The following NEK11 variants were observed in gnomAD, a reference collection of about 807,000 sequenced individuals.
NEK11 encodes NIMA related kinase 11.
In NEK11, 72 loss-of-function variants were observed where a neutral mutation model predicts 80.7. That is an observed-to-expected ratio of 0.89 (90% CI 0.74 to 1.08). The LOEUF is 1.08. Among genes scored for constraint, NEK11 ranks in the 50% least tolerant of loss-of-function variants. The probability of loss-of-function intolerance (pLI) is 0.00; values close to 1 mark genes in which losing one functional copy is unlikely to be tolerated. For synonymous variants in NEK11, 251 were observed against 260.7 expected, an observed-to-expected ratio of 0.96 and a Z score of 0.36; for missense variants, 764 against 763.6, an observed-to-expected ratio of 1.00 and a Z score of -0.01.
At chr3:131,234,987 A>C (rs748267124) in intron 15 of NEK11, among the ~76,000 whole-genome samples, 4 of 152,150 alleles carry the variant, frequency 2.6e-5, no homozygotes, top group Admixed American at 6.6e-5. Context: ...AGCATGGAGA[A>C]AAAGGAGAAA....
At chr3:131,142,413 A>G (rs1162579021) in intron 7 of NEK11, among the ~76,000 whole-genome samples, 1 of 151,020 alleles carries the variant, frequency 6.6e-6, no homozygotes, top group Non-Finnish European at 1.5e-5. Flanking sequence ...ACATTCTACT[A>G]CTTTTGATGT....
chr3:131,202,909 C>T (rs1432681580), intron 14 of NEK11, among the ~76,000 whole-genome samples: 1 of 152,138 alleles, frequency 6.6e-6, no homozygotes, highest in East Asian at 1.9e-4. Context: ...GAATGGCAAT[C>T]ATTAAAAAGT....
chr3:131,083,849 A>G (rs2075634108), intron 4 of NEK11, among the ~76,000 whole-genome samples: 1 of 152,208 alleles, frequency 6.6e-6, no homozygotes, highest in African/African-American at 2.4e-5. Context: ...ATAGTTCCAA[A>G]ACTACCAGAA....
intron 16 of NEK11, among the ~76,000 whole-genome samples, chr3:131,260,997 G>A (rs1254131148): frequency 1.3e-5 from 2 of 152,076 alleles, no homozygotes; most frequent in Non-Finnish European, 2.9e-5. Context: ...TAGCAGGGAG[G>A]GCAAACACAG....
intron 4 of NEK11, among the ~76,000 whole-genome samples, chr3:131,100,972 T>A (rs2078281942): frequency 6.6e-6 from 1 of 152,168 alleles, no homozygotes; most frequent in Admixed American, 6.6e-5. Flanking sequence ...CTTGGGAGAT[T>A]GTGTGTTTCC....
chr3:131,180,757 A>T (rs1342683987), intron 14 of NEK11, among the ~76,000 whole-genome samples: 2 of 152,344 alleles, frequency 1.3e-5, no homozygotes, highest in Non-Finnish European at 2.9e-5. Flanking sequence ...CCATGAAATT[A>T]TGATATGCCG....
chr3:131,330,497 A>C (rs2097058539), intron 17 of NEK11: 3 of 152,208 alleles, frequency 2.0e-5, no homozygotes, highest in Admixed American at 2.0e-4. Flanking sequence ...AAGTCTAGGG[A>C]TCAGGGAGAT....
intron 14 of NEK11, among the ~76,000 whole-genome samples, chr3:131,197,580 G>T (rs944472017): frequency 1.3e-5 from 2 of 152,090 alleles, no homozygotes; most frequent in Non-Finnish European, 2.9e-5. Context: ...AAAAGGCCTG[G>T]CCCAGTAAAT....
At chr3:131,233,870 T>A (rs758577419) in intron 15 of NEK11, among the ~76,000 whole-genome samples, 1 of 152,254 alleles carries the variant, frequency 6.6e-6, no homozygotes, top group Non-Finnish European at 1.5e-5. Context: ...TGAAAGATAC[T>A]GTTTGTGACA....
intron 17 of NEK11, among the ~76,000 whole-genome samples, chr3:131,336,698 A>G (rs1471762748): frequency 6.6e-6 from 1 of 152,258 alleles, no homozygotes; most frequent in Non-Finnish European, 1.5e-5. Flanking sequence ...AAAATAGGAG[A>G]AAATTTTCGC....
intron 17 of NEK11, among the ~76,000 whole-genome samples, chr3:131,348,332 C>A (rs1013037746): frequency 6.6e-6 from 1 of 151,912 alleles, no homozygotes; most frequent in African/African-American, 2.4e-5. Flanking sequence ...TTCAGTGGAA[C>A]AATATGGAGC....
chr3:131,342,104 A>G (rs948899927), intron 17 of NEK11, among the ~76,000 whole-genome samples: 3 of 152,224 alleles, frequency 2.0e-5, no homozygotes, highest in Admixed American at 2.0e-4. Flanking sequence ...CCATTGACAG[A>G]AAGAGGCCTT....
At position 131,207,858 on chromosome 3, in the gene NEK11, T is replaced by G. The variant is rs182339107; in HGVS notation, c.1400-20670T>G. 7.9e-3 allele frequency among the ~76,000 whole-genome samples: 1,202 copies of G among 152,238 alleles called. 4 individuals are homozygous for G. The highest frequency in any genetic ancestry group is 0.011 in the Non-Finnish European group (734 of 68,012). On this transcript the variant is annotated intron_variant, in intron 14 of 17. Coordinates refer to ENST00000383366, the MANE Select transcript of NEK11 (RefSeq NM_024800.5). ...TTGTTTAAGTTCTTTGTAGATTCTGTATATTAGCCCTTTGTCAGATGGGTA... is the reference window on the plus strand; with the variant it reads ...TTGTTTAAGTTCTTTGTAGATTCTGGATATTAGCCCTTTGTCAGATGGGTA...
At chr3:131,179,782 A>G (rs2093246278) in intron 14 of NEK11, among the ~76,000 whole-genome samples, 1 of 152,182 alleles carries the variant, frequency 6.6e-6, no homozygotes, top group African/African-American at 2.4e-5. Flanking sequence ...ATGCATCTTA[A>G]AATAGACGGC....
chr3:131,253,369 AG>A lies in NEK11; in HGVS notation c.1621+9875del, dbSNP rs138043630. 2.4e-3 allele frequency among the ~76,000 whole-genome samples: 365 copies of A among 152,266 alleles called. 2 individuals are homozygous for A. Among genetic ancestry groups the A allele is most frequent in the African/African-American group, 8.3e-3 (346 of 41,552 alleles). ...CATGAACAGGATATTAAGTGATTCT[AG>A]GCAGAATTAGGAGAAAGAAAGAGGG... On this transcript the variant is annotated intron_variant, in intron 16 of 17. Transcript: ENST00000383366.
At chr3:131,333,526 A>T (rs1412890661) in intron 17 of NEK11, among the ~76,000 whole-genome samples, 2 of 152,216 alleles carry the variant, frequency 1.3e-5, no homozygotes, top group African/African-American at 4.8e-5. Context: ...CCAAAATGTA[A>T]AGACCATCGA....
intron 16 of NEK11, among the ~76,000 whole-genome samples, chr3:131,249,277 AG>A (rs1296947461): frequency 1.3e-5 from 2 of 152,124 alleles, no homozygotes; most frequent in African/African-American, 4.8e-5. Flanking sequence ...AAAGAAGGGA[AG>A]GTAAGGTGTA....
chr3:131,168,656 G>A (rs1251356417), intron 12 of NEK11, among the ~76,000 whole-genome samples, 174 bp from the exon 13 acceptor site: 1 of 152,120 alleles, frequency 6.6e-6, no homozygotes, highest in Non-Finnish European at 1.5e-5. Context: ...GCGCCCGGCC[G>A]ACGTTGCATT....
At chr3:131,307,718 G>C (rs980242353) in intron 17 of NEK11, among the ~76,000 whole-genome samples, 3 of 152,188 alleles carry the variant, frequency 2.0e-5, no homozygotes, top group Admixed American at 2.0e-4. Context: ...TGTGCTGCCA[G>C]TTCTTCAGGG....
Sources: allele counts gnomAD v4.1 joint callset (sites outside exome capture counted in the v4.1 genomes callset), GRCh38; gene constraint gnomAD v4.1.1; transcripts MANE v1.5; gene names NCBI Gene and HGNC (gene_info 2026-07-23, HGNC 2026-07-21).